Variants in WDFY1 observed in about 807,000 individuals in gnomAD.
WDFY1 encodes the protein WD repeat and FYVE domain containing 1, also known as WD repeat and FYVE domain-containing protein 1.
A neutral mutation model predicts 56.4 loss-of-function variants in WDFY1; 32 were observed. The ratio of observed to expected loss-of-function variants is 0.57; its 90% CI spans 0.43 to 0.76. The LOEUF is 0.76. Ranked by LOEUF, WDFY1 falls within the 30% of genes least tolerant of loss-of-function variation. The probability of loss-of-function intolerance (pLI) is 0.00; values close to 1 mark genes in which losing one functional copy is unlikely to be tolerated. For missense variants in WDFY1, 480 were observed against 545.7 expected, an observed-to-expected ratio of 0.88 and a Z score of 1.20; for synonymous variants, 192 against 197.3, an observed-to-expected ratio of 0.97 and a Z score of 0.23.
chr2:223,932,173 A>G (rs1483746472), intron 1 of WDFY1, among the ~76,000 whole-genome samples: 1 of 120,428 alleles, frequency 8.3e-6, no homozygotes, highest in Middle Eastern at 8.1e-3. Context: ...CCCAGGCTGG[A>G]GTGCAGTGGT....
intron 6 of WDFY1, among the ~76,000 whole-genome samples, chr2:223,897,391 T>TATATATATA (rs1559166021): frequency 5.1e-4 from 18 of 35,062 alleles, no homozygotes; most frequent in African/African-American, 1.4e-3. Context: ...TATATATATA[T>TATATATATA]TTTTTAAGAC....
At chr2:223,912,698 T>C (rs1379811620) in intron 2 of WDFY1, among the ~76,000 whole-genome samples, 2 of 152,078 alleles carry the variant, frequency 1.3e-5, no homozygotes, top group Non-Finnish European at 2.9e-5. Context: ...TCCCATCAAA[T>C]GTCAAAGAGT....
intron 1 of WDFY1, among the ~76,000 whole-genome samples, chr2:223,928,983 T>C (rs1378192525): frequency 6.6e-6 from 1 of 152,076 alleles, no homozygotes; most frequent in Non-Finnish European, 1.5e-5. Flanking sequence ...CCAGGGGCCT[T>C]GATAGCATCG....
At chr2:223,934,800 C>G (rs1242555339) in intron 1 of WDFY1, among the ~76,000 whole-genome samples, 2 of 152,212 alleles carry the variant, frequency 1.3e-5, no homozygotes, top group Non-Finnish European at 2.9e-5. Flanking sequence ...GGGTTACAGG[C>G]ATGAGCCATT....
intron 1 of WDFY1, among the ~76,000 whole-genome samples, chr2:223,933,055 C>T (rs552561108): frequency 2.6e-5 from 4 of 152,218 alleles, no homozygotes; most frequent in Non-Finnish European, 4.4e-5. Flanking sequence ...AGTCTTTCTC[C>T]TTTGGTAACA....
intron 2 of WDFY1, among the ~76,000 whole-genome samples, chr2:223,917,718 G>A (rs1012185599): frequency 2.0e-5 from 3 of 151,962 alleles, no homozygotes; most frequent in Admixed American, 6.6e-5. Flanking sequence ...GATTACAGGC[G>A]CACACCACCA....
chr2:223,905,849 G>A, intron 4 of WDFY1, 98 bp downstream of exon 4: 1 of 897,654 alleles, frequency 1.1e-6, no homozygotes, highest in Non-Finnish European at 1.5e-6. Flanking sequence ...AAACTAAAAA[G>A]TTAATGTGAA....
chr2:223,930,396 C>A (rs111511938), intron 1 of WDFY1, among the ~76,000 whole-genome samples: 2,303 of 152,298 alleles, frequency 0.015, 63 homozygotes, highest in African/African-American at 0.05. Context: ...ATGGCTTGAT[C>A]TCGGCTCACT....
chr2:223,887,258 G>A (rs1451320131), intron 8 of WDFY1, among the ~76,000 whole-genome samples: 2 of 152,200 alleles, frequency 1.3e-5, no homozygotes, highest in Admixed American at 6.6e-5. Context: ...CAATGGCACA[G>A]GGTATTTAAT....
chr2:223,908,656 T>C (rs2106086805), intron 3 of WDFY1, among the ~76,000 whole-genome samples: 1 of 152,166 alleles, frequency 6.6e-6, no homozygotes, highest in Admixed American at 6.5e-5. Flanking sequence ...TCTCTCTAGT[T>C]CACGGCAGCC....
At position 223,876,493 on chromosome 2, in the gene WDFY1, G is replaced by C. The variant is rs13022532; in HGVS notation, c.*2178C>G. The C allele has an allele frequency of 0.11, 17,216 of 152,406 alleles. 1,319 individuals carry two copies. The highest frequency in any genetic ancestry group is 0.19 in the Admixed American group (2,857 of 15,242). The allele number at this position is 152,406 out of a possible 1,614,324, so 9.4% of individuals were successfully genotyped here. On this transcript the variant is annotated 3_prime_UTR_variant, in exon 12 of 12. Transcript: ENST00000233055. The stretch of plus-strand genomic sequence containing the variant: ...CTCTAAAAAGAAAAATGATAGGCCT[G>C]GTGGAGAGCAAGCTATATGGAAACA...
At chr2:223,930,173 C>T (rs1030378245) in intron 1 of WDFY1, among the ~76,000 whole-genome samples, 6 of 152,170 alleles carry the variant, frequency 3.9e-5, no homozygotes, top group African/African-American at 1.4e-4. Flanking sequence ...CTAGATTTAG[C>T]CCAATCTAGC....
At chr2:223,911,698 C>T (rs948301661) in intron 3 of WDFY1, among the ~76,000 whole-genome samples, 5 of 151,942 alleles carry the variant, frequency 3.3e-5, no homozygotes, top group African/African-American at 1.2e-4. Flanking sequence ...AGGCTATGAT[C>T]TGTGGGTCAG....
chr2:223,909,646 A>C (rs1693659398), intron 3 of WDFY1, among the ~76,000 whole-genome samples: 1 of 151,932 alleles, frequency 6.6e-6, no homozygotes, highest in Non-Finnish European at 1.5e-5. Flanking sequence ...TCAGCGAACA[A>C]TACTACTTCC....
intron 3 of WDFY1, among the ~76,000 whole-genome samples, chr2:223,911,078 ATAAT>A (rs991576041): frequency 1.9e-4 from 29 of 152,234 alleles, no homozygotes; most frequent in African/African-American, 6.5e-4. Context: ...CACTGCAAAA[ATAAT>A]TAATTAATTC....
chr2:223,902,316 CTT>C (rs950927784), intron 4 of WDFY1, among the ~76,000 whole-genome samples: 2 of 152,172 alleles, frequency 1.3e-5, no homozygotes, highest in African/African-American at 2.4e-5. Flanking sequence ...AATCCCAGCA[CTT>C]TTGGGAGGCC....
intron 11 of WDFY1, 81 bp downstream of exon 11, chr2:223,880,043 A>G (rs1457625988): frequency 8.3e-7 from 1 of 1,211,298 alleles, no homozygotes; most frequent in Non-Finnish European, 1.2e-6. Flanking sequence ...CCAGTCAGAA[A>G]GAGTGACTGT....
At chr2:223,926,599 A>G (rs966952580) in intron 1 of WDFY1, among the ~76,000 whole-genome samples, 2 of 152,140 alleles carry the variant, frequency 1.3e-5, no homozygotes, top group Non-Finnish European at 2.9e-5. Context: ...AAGCAAATAT[A>G]CATACATTTA....
rs1694129573 is a variant in WDFY1, at chr2:223,934,146, T to A, written c.137+11002A>T. 3.4e-5 allele frequency among the ~76,000 whole-genome samples: 5 copies of A among 149,010 alleles called. No individual in the cohort carries two copies. The South Asian group carries it at 1.0e-3, about 31-fold the overall frequency. ...CTCTGTCACCCAGGCTGGAGTAAAG[T>A]GGCACAATCTCAGCTCACTGCAACC... is the stretch of plus-strand genomic sequence containing the variant. On this transcript the variant is annotated intron_variant, in intron 1 of 11. Transcript: ENST00000233055.
Sources: gnomAD v4.1 joint callset for allele counts (sites outside exome capture counted in the v4.1 genomes callset) on GRCh38, gnomAD v4.1.1 for gene constraint, MANE v1.5 for transcripts, NCBI Gene and HGNC (gene_info 2026-07-23, HGNC 2026-07-21) for gene names.